ZNF730: variants seen among roughly 807,000 people sequenced by gnomAD.
ZNF730 encodes the protein zinc finger protein 730.
A neutral mutation model predicts 12.6 loss-of-function variants in ZNF730; 12 were observed. That is an observed-to-expected ratio of 0.95 (90% CI 0.61 to 1.54). ZNF730 has a LOEUF of 1.54. Ranked by LOEUF, ZNF730 falls within the 40% of genes most tolerant of loss-of-function variation. ZNF730 has a pLI of 0.00. For missense variants in ZNF730, 643 were observed against 583.5 expected (o/e 1.10, Z -1.05); for synonymous variants, 194 against 195.8 (o/e 0.99, Z 0.08).
intron 1 of ZNF730, among the ~76,000 whole-genome samples, chr19:23,110,298 C>T (rs1396806717): frequency 1.6e-5 from 2 of 126,418 alleles, no homozygotes; most frequent in Admixed American, 9.2e-5. Context: ...TTTTTTAAGA[C>T]GGAGTTTCAC....
chr19:23,123,600 T>C (rs1048492112), intron 1 of ZNF730: 1 of 151,180 alleles, frequency 6.6e-6, no homozygotes, highest in African/African-American at 2.4e-5. Flanking sequence ...AAAAGAAACC[T>C]TATAAAATTC....
At chr19:23,077,135 T>C (rs981659814) in intron 1 of ZNF730, among the ~76,000 whole-genome samples, 4 of 152,108 alleles carry the variant, frequency 2.6e-5, no homozygotes, top group Non-Finnish European at 5.9e-5. Context: ...AGTTGAATGA[T>C]GGGAACACAT....
intron 3 of ZNF730, among the ~76,000 whole-genome samples, chr19:23,144,458 T>C (rs1367896590): frequency 5.9e-5 from 9 of 152,126 alleles, no homozygotes; most frequent in African/African-American, 2.2e-4. Context: ...CCCAGCACTT[T>C]GAGAGGCTGA....
intron 1 of ZNF730, among the ~76,000 whole-genome samples, chr19:23,106,454 G>A (rs1017912842): frequency 3.3e-5 from 5 of 152,066 alleles, no homozygotes; most frequent in African/African-American, 1.2e-4. Flanking sequence ...AATTTTAAAA[G>A]GAGCTTAACC....
At chr19:23,075,422 G>T (rs1969838941) in intron 1 of ZNF730, 1 of 153,440 alleles carries the variant, frequency 6.5e-6, no homozygotes, top group Non-Finnish European at 1.5e-5. Context: ...CTTGAGGCGA[G>T]AGCGGGCTGT....
upstream of ZNF730, among the ~76,000 whole-genome samples, chr19:23,113,375 C>G (rs958285266): frequency 1.1e-4 from 16 of 152,198 alleles, no homozygotes; most frequent in Non-Finnish European, 2.4e-4. Context: ...CATGCAATCA[C>G]CTGTAGAATA....
At chr19:23,143,798 G>A (rs1283170361) in intron 3 of ZNF730, 1 of 152,058 alleles carries the variant, frequency 6.6e-6, no homozygotes, top group Non-Finnish European at 1.5e-5. Flanking sequence ...CAATTCACTG[G>A]TTATATCGTA....
intron 1 of ZNF730, among the ~76,000 whole-genome samples, chr19:23,082,453 TCTC>T (rs1969981295): frequency 6.6e-6 from 1 of 151,790 alleles, no homozygotes. Context: ...TTCAAGCAAT[TCTC>T]CTGCCTCAGC....
At chr19:23,092,732 T>C (rs1599572636) in intron 1 of ZNF730, among the ~76,000 whole-genome samples, 1 of 152,040 alleles carries the variant, frequency 6.6e-6, no homozygotes, top group Non-Finnish European at 1.5e-5. Context: ...CTGAATAATA[T>C]TTCTTAATTT....
At chr19:23,101,670 A>G (rs1424775723) in intron 1 of ZNF730, among the ~76,000 whole-genome samples, 1 of 152,256 alleles carries the variant, frequency 6.6e-6, no homozygotes, top group African/African-American at 2.4e-5. Flanking sequence ...CCCAGGTTCA[A>G]GTGATTCTTC....
At chr19:23,119,794 C>T (rs749979903) in intron 1 of ZNF730, among the ~76,000 whole-genome samples, 4 of 151,486 alleles carry the variant, frequency 2.6e-5, no homozygotes, top group Admixed American at 6.6e-5. Context: ...TCCAGCCTGG[C>T]GACAGAATGA....
At chr19:23,128,129 C>T in intron 1 of ZNF730, 1 of 907,392 alleles carries the variant, frequency 1.1e-6, no homozygotes, top group Non-Finnish European at 1.8e-6. Context: ...GCCAGAACTA[C>T]CACTGGCAAT....
intron 1 of ZNF730, chr19:23,095,160 G>A (rs769567461): frequency 2.4e-5 from 9 of 381,674 alleles, no homozygotes; most frequent in Admixed American, 4.5e-5. Context: ...CTGAGGTAAT[G>A]TGACTATCTT....
Position 23,106,215 on chromosome 19 carries a change from AGAG to A in ZNF730, c.-93-27856_-93-27854del, listed in dbSNP as rs552783772. 2.6e-3 allele frequency among the ~76,000 whole-genome samples: 397 copies of A among 151,414 alleles called. 4 individuals are homozygous for A. The highest frequency in any genetic ancestry group is 8.6e-3 in the African/African-American group (351 of 40,912). On this transcript the variant is annotated intron_variant, in intron 1 of 2. Coordinates refer to the ZNF730 transcript ENST00000593635. ...AGGAGAAAAGGAAGGGGAAGAAAAA[AGAG>A]GAGGAGGAAGGAAAAGCAGGAGGAA... is the stretch of plus-strand genomic sequence containing the variant.
chr19:23,144,672 C>A, intron 3 of ZNF730, among the ~76,000 whole-genome samples: 1 of 122,410 alleles, frequency 8.2e-6, no homozygotes, highest in Non-Finnish European at 1.6e-5. Context: ...CGCACTCCAG[C>A]CTGGGTGACA....
At chr19:23,093,464 T>TGGGTGCCCCTGCTGTGGGTTAGG (rs1247025377) in intron 1 of ZNF730, among the ~76,000 whole-genome samples, 5 of 152,330 alleles carry the variant, frequency 3.3e-5, no homozygotes, top group East Asian at 3.9e-4. Context: ...TGCTGCATGG[T>TGGGTGCCCCTGCTGTGGGTTAGG]GGGTGCCCCT....
chr19:23,095,022 T>G (rs1343681145), intron 1 of ZNF730: 1 of 197,142 alleles, frequency 5.1e-6, no homozygotes, highest in Non-Finnish European at 1.0e-5. Context: ...TTCAGATGCA[T>G]AATCTCATCC....
At chr19:23,100,630 CTTTTTTTTTTTTTTTTTTTTTTTTTTTT>C (rs201462781) in intron 1 of ZNF730, among the ~76,000 whole-genome samples, 1,590 of 118,534 alleles carry the variant, frequency 0.013, 54 homozygotes, top group African/African-American at 0.052. Context: ...GATGGTGATT[CTTTTTTTTTTTTTTTTTTTTTTTTTTTT>C]TTTTTTTTTT....
rs1970964168 is a variant in ZNF730 at position 23,143,805 on chromosome 19, CGTAAGACTATGTTTGTA to C, written c.227-1465_227-1449del. The C allele has an allele frequency of 2.0e-5, 3 of 152,238 alleles. No homozygotes were observed. The South Asian group carries it at 6.2e-4, about 32-fold the overall frequency. The allele number at this position is 152,238 out of a possible 1,614,324, so 9.4% of individuals were successfully genotyped here. A position where few individuals can be genotyped will look rare whatever the true frequency, so the allele number is the denominator to read the frequency against. ...TTTGTTGACAATTCACTGGTTATAT[CGTAAGACTATGTTTGTA>C]TATGACACATCACTTTTATCTTGTA... On this transcript the variant is annotated intron_variant, in intron 3 of 3. Transcript: ENST00000597761.
Sources: allele counts gnomAD v4.1 joint callset (sites outside exome capture counted in the v4.1 genomes callset), GRCh38; gene constraint gnomAD v4.1.1; transcripts MANE v1.5; gene names NCBI Gene and HGNC (gene_info 2026-07-23, HGNC 2026-07-21).